The following INTS15 variants were observed in gnomAD, a reference collection of about 807,000 sequenced individuals.
INTS15 encodes the protein integrator complex subunit 15, also known as uncharacterized protein C7orf26.
At chr7:6,604,299 C>T in the INTS15 span, among the ~76,000 whole-genome samples, 1 of 152,138 alleles carries the variant, frequency 6.6e-6, no homozygotes, top group African/African-American at 2.4e-5. Context: ...TAGCAAAGAA[C>T]TGGAAACAAC....
the INTS15 span, among the ~76,000 whole-genome samples, chr7:6,599,016 G>C: frequency 6.6e-6 from 1 of 151,970 alleles, no homozygotes; most frequent in Non-Finnish European, 1.5e-5. Context: ...TCGAACTCCT[G>C]AACTCAAGTG....
At chr7:6,595,122 C>G in the INTS15 span, among the ~76,000 whole-genome samples, 2 of 152,148 alleles carry the variant, frequency 1.3e-5, no homozygotes, top group African/African-American at 2.4e-5. Flanking sequence ...GTCTCTGCCC[C>G]CAAGGCTCAA....
the INTS15 span, chr7:6,608,619 C>A: frequency 1.4e-6 from 1 of 713,048 alleles, no homozygotes; most frequent in Non-Finnish European, 1.7e-6. Context: ...CAGCACTGCT[C>A]AGGGAGGCTG....
the INTS15 span, among the ~76,000 whole-genome samples, chr7:6,598,786 T>TGTGTGTGTG: frequency 5.4e-4 from 36 of 66,136 alleles, no homozygotes; most frequent in South Asian, 1.2e-3. Context: ...TGTGTGTGTG[T>TGTGTGTGTG]ATTTTTTTTT....
chr7:6,598,735 T>TTTTG, the INTS15 span, among the ~76,000 whole-genome samples: 1 of 83,618 alleles, frequency 1.2e-5, no homozygotes, highest in Non-Finnish European at 2.1e-5. Context: ...GCTGTATGCT[T>TTTTG]TGTGTGTGTG....
At chr7:6,608,614 C>G in the INTS15 span, 2,569 of 769,318 alleles carry the variant, frequency 3.3e-3, 3 homozygotes, top group Non-Finnish European at 3.8e-3. Context: ...ATGTGCAGCA[C>G]TGCTCAGGGA....
the INTS15 span, chr7:6,591,603 T>A: frequency 1.3e-6 from 2 of 1,560,538 alleles, no homozygotes; most frequent in Admixed American, 3.3e-5. Context: ...ATAAGTACGT[T>A]ACAGCCACAT....
the INTS15 span, among the ~76,000 whole-genome samples, chr7:6,598,786 T>TGTGTGTGTGTGTGTGTG: frequency 1.1e-4 from 7 of 66,152 alleles, no homozygotes; most frequent in East Asian, 6.0e-4. Flanking sequence ...TGTGTGTGTG[T>TGTGTGTGTGTGTGTGTG]ATTTTTTTTT....
At chr7:6,593,824 T>C in the INTS15 span, among the ~76,000 whole-genome samples, 44 of 151,536 alleles carry the variant, frequency 2.9e-4, no homozygotes, top group East Asian at 3.9e-4. Flanking sequence ...TAATTTTTTC[T>C]ATTTTTTATA....
At chr7:6,590,577 A>G in the INTS15 span, 4 of 1,393,790 alleles carry the variant, frequency 2.9e-6, no homozygotes, top group African/African-American at 1.5e-5. Context: ...CCCCATGTCC[A>G]GGATCCCCGC....
chr7:6,608,196 A>T, the INTS15 span: 3 of 1,534,644 alleles, frequency 2.0e-6, no homozygotes, highest in Non-Finnish European at 2.6e-6. Flanking sequence ...CTCTCGCTGG[A>T]CGAAGCCTTT....
the INTS15 span, chr7:6,590,411 G>A: frequency 2.5e-6 from 4 of 1,605,304 alleles, no homozygotes; most frequent in South Asian, 1.1e-5. Context: ...GTGGACAAGG[G>A]CCCCGTGGAG....
chr7:6,603,119 G>A, the INTS15 span, among the ~76,000 whole-genome samples: 4 of 151,476 alleles, frequency 2.6e-5, no homozygotes, highest in African/African-American at 9.7e-5. Context: ...GCGTGGTGGT[G>A]CGCACCTGTA....
At chr7:6,602,717 T>G in the INTS15 span, 1 of 471,156 alleles carries the variant, frequency 2.1e-6, no homozygotes, top group East Asian at 6.9e-5. Flanking sequence ...ATCCTACTCC[T>G]TGCCACGTGG....
chr7:6,606,186 C>T, the INTS15 span, among the ~76,000 whole-genome samples: 1 of 152,152 alleles, frequency 6.6e-6, no homozygotes, highest in African/African-American at 2.4e-5. Context: ...AAGTTACTTA[C>T]CCAGGGTTAT....
At chr7:6,592,387 T>C in the INTS15 span, among the ~76,000 whole-genome samples, 1 of 151,774 alleles carries the variant, frequency 6.6e-6, no homozygotes, top group Admixed American at 6.6e-5. Flanking sequence ...GCCAACATGG[T>C]GAAACCCTGT....
the INTS15 span, chr7:6,602,814 TC>T: frequency 2.2e-6 from 1 of 463,034 alleles, no homozygotes; most frequent in Non-Finnish European, 4.5e-6. Flanking sequence ...CTTCCAAAAG[TC>T]CATATGTCCT....
chr7:6,596,852 G>A, the INTS15 span, among the ~76,000 whole-genome samples: 1 of 151,996 alleles, frequency 6.6e-6, no homozygotes, highest in African/African-American at 2.4e-5. Flanking sequence ...GTGCGATCTC[G>A]ACTCAACTGC....
the INTS15 span, among the ~76,000 whole-genome samples, chr7:6,598,993 T>A: frequency 5.3e-5 from 8 of 151,966 alleles, no homozygotes; most frequent in African/African-American, 1.9e-4. Flanking sequence ...TCACTATGTT[T>A]CCAGGGCTGG....
Sources: gnomAD v4.1 joint callset for allele counts (sites outside exome capture counted in the v4.1 genomes callset) on GRCh38, gnomAD v4.1.1 for gene constraint, MANE v1.5 for transcripts, NCBI Gene and HGNC (gene_info 2026-07-23, HGNC 2026-07-21) for gene names.